Variants in IL1RAPL2 observed in about 807,000 individuals in gnomAD.
IL1RAPL2 encodes the protein interleukin 1 receptor accessory protein like 2, also known as X-linked interleukin-1 receptor accessory protein-like 2.
Under a neutral mutation model 44.1 loss-of-function variants are expected in IL1RAPL2, and 3 were observed. The observed-to-expected ratio is 0.07, with a 90% CI of 0.03 to 0.18. The LOEUF (loss-of-function observed/expected upper bound fraction) is 0.18, where lower values mean the gene tolerates loss of function less well. IL1RAPL2 is among the 10% of genes least tolerant of loss of function. The pLI is 1.00. For synonymous variants in IL1RAPL2, 181 were observed against 178.8 expected (o/e 1.01, Z -0.10); for missense variants, 391 against 496.4 (o/e 0.79, Z 2.02).
intron 5 of IL1RAPL2, among the ~76,000 whole-genome samples, chrX:105,439,876 T>A (rs1195766998): frequency 8.9e-6 from 1 of 111,929 alleles, no homozygotes; most frequent in East Asian, 2.8e-4. Flanking sequence ...AGTTAAAAGA[T>A]AGTTTGGGGC....
At chrX:104,749,183 A>G (rs1399345856) in intron 2 of IL1RAPL2, among the ~76,000 whole-genome samples, 1 of 111,350 alleles carries the variant, frequency 9.0e-6, no homozygotes, top group African/African-American at 3.3e-5. Flanking sequence ...ATGAGAAGGC[A>G]TAATTTATTT....
chrX:104,659,013 T>A lies in IL1RAPL2; in HGVS notation c.82+18T>A. On this transcript the variant is annotated intron_variant, in intron 2 of 10. Coordinates refer to ENST00000372582, the MANE Select transcript of IL1RAPL2 (RefSeq NM_017416.2). ...AAATTCTGGTAAGTTGCTGGCAACTTGCCACTATTTGGTCAAAAATGTACA... is the reference window on the plus strand; with the variant it reads ...AAATTCTGGTAAGTTGCTGGCAACTAGCCACTATTTGGTCAAAAATGTACA... 1.8e-6 allele frequency: 2 copies of A among 1,131,397 alleles called. No individual in the cohort carries two copies. Among genetic ancestry groups the A allele is most frequent in the Non-Finnish European group, 2.4e-6 (2 of 825,308 alleles). 93.2% of individuals were successfully genotyped at this position (1,131,397 alleles called of 1,213,427 possible).
At chrX:105,531,359 T>C (rs1398281717) in intron 6 of IL1RAPL2, among the ~76,000 whole-genome samples, 1 of 112,283 alleles carries the variant, frequency 8.9e-6, no homozygotes, top group African/African-American at 3.2e-5. Flanking sequence ...TTCTTTTGAG[T>C]AATGTCCATT....
chrX:104,987,919 T>C (rs2030591456), intron 2 of IL1RAPL2, among the ~76,000 whole-genome samples: 2 of 111,811 alleles, frequency 1.8e-5, no homozygotes, highest in Non-Finnish European at 3.8e-5. Context: ...AGACTGTTAG[T>C]GGAAATTTTC....
intron 2 of IL1RAPL2, among the ~76,000 whole-genome samples, chrX:104,907,472 G>A (rs1924054807): frequency 9.0e-6 from 1 of 110,978 alleles, no homozygotes; most frequent in Non-Finnish European, 1.9e-5. Context: ...ACACTGCCTT[G>A]AATGTGTCCC....
At chrX:105,338,717 CT>C (rs1322051400) in intron 5 of IL1RAPL2, among the ~76,000 whole-genome samples, 1 of 111,795 alleles carries the variant, frequency 8.9e-6, no homozygotes, top group African/African-American at 3.3e-5. Context: ...CTTTTTCATC[CT>C]TTTTTTCTTC....
intron 2 of IL1RAPL2, among the ~76,000 whole-genome samples, chrX:105,121,212 A>C (rs1052115031): frequency 8.9e-6 from 1 of 112,302 alleles, no homozygotes; most frequent in Non-Finnish European, 1.9e-5. Context: ...ATAGATAAAA[A>C]TGATTCAATT....
chrX:105,177,752 A>C lies in IL1RAPL2; in HGVS notation c.83-17723A>C, dbSNP rs774789698. On this transcript the variant is annotated intron_variant, in intron 2 of 10. Coordinates refer to ENST00000372582, the MANE Select transcript of IL1RAPL2 (RefSeq NM_017416.2). ...TTTAAGTATAATTACAATTTTATAT[A>C]AGAAATGTTTATGTTTATAATATTT... Among the ~76,000 whole-genome samples, 5 of 112,268 alleles carry C rather than the reference A, an allele frequency of 4.5e-5. No homozygotes were observed. The East Asian group carries it at 1.4e-3, about 31-fold the overall frequency.
At chrX:105,611,133 G>A (rs1394748603) in intron 6 of IL1RAPL2, among the ~76,000 whole-genome samples, 1 of 111,371 alleles carries the variant, frequency 9.0e-6, no homozygotes, top group Non-Finnish European at 1.9e-5. Flanking sequence ...CTAAAAATTT[G>A]AAAACAGAAA....
At chrX:105,598,927 G>A (rs2037231440) in intron 6 of IL1RAPL2, among the ~76,000 whole-genome samples, 1 of 112,557 alleles carries the variant, frequency 8.9e-6, no homozygotes, top group African/African-American at 3.2e-5. Flanking sequence ...GAACCACTGA[G>A]AAGAGAACTA....
At chrX:105,622,284 T>A (rs1045876889) in intron 6 of IL1RAPL2, among the ~76,000 whole-genome samples, 1 of 104,858 alleles carries the variant, frequency 9.5e-6, no homozygotes, top group Non-Finnish European at 1.9e-5. Flanking sequence ...ATAAAAATAA[T>A]AATAATAATA....
At chrX:105,362,176 T>C (rs1427745432) in intron 5 of IL1RAPL2, among the ~76,000 whole-genome samples, 2 of 111,868 alleles carry the variant, frequency 1.8e-5, no homozygotes, top group African/African-American at 6.5e-5. Flanking sequence ...TTGTCTTCTT[T>C]CCTTTAGCAC....
At chrX:104,704,790 C>G (rs1484697118) in intron 2 of IL1RAPL2, among the ~76,000 whole-genome samples, 4 of 112,055 alleles carry the variant, frequency 3.6e-5, no homozygotes, top group African/African-American at 1.3e-4. Context: ...GAAATAACAA[C>G]TTAATTCCCG....
chrX:104,881,103 C>A (rs868492806), intron 2 of IL1RAPL2, among the ~76,000 whole-genome samples: 1 of 111,024 alleles, frequency 9.0e-6, no homozygotes, highest in Non-Finnish European at 1.9e-5. Context: ...TTTTACATAA[C>A]GTAAAATTTT....
chrX:105,340,664 C>G (rs1426347892), intron 5 of IL1RAPL2, among the ~76,000 whole-genome samples: 4 of 111,915 alleles, frequency 3.6e-5, no homozygotes, highest in Non-Finnish European at 7.5e-5. Flanking sequence ...TGTACTCCCT[C>G]GTCTCTAGGT....
intron 4 of IL1RAPL2, among the ~76,000 whole-genome samples, chrX:105,248,423 A>G (rs1159156409): frequency 8.9e-6 from 1 of 111,946 alleles, no homozygotes; most frequent in Non-Finnish European, 1.9e-5. Context: ...CTAAAAATGT[A>G]CAAAAATTCA....
rs371329791 is a variant in IL1RAPL2 at position 104,897,191 on chromosome X, T to G, written c.82+238196T>G. Among the ~76,000 whole-genome samples, 4 of 112,199 alleles carry G rather than the reference T, an allele frequency of 3.6e-5. No homozygotes were observed. In the East Asian group the frequency reaches 1.1e-3, roughly 32 times the overall value. ...AGGATCACAGGCAGTTATTATCAGA[T>G]GGCTGTGGCTAGAATCATCTGAAGG... On this transcript the variant is annotated intron_variant, in intron 2 of 10. Transcript: ENST00000372582.
At chrX:105,736,295 T>C (rs1047110723) in intron 7 of IL1RAPL2, among the ~76,000 whole-genome samples, 1 of 110,201 alleles carries the variant, frequency 9.1e-6, no homozygotes, top group African/African-American at 3.3e-5. Flanking sequence ...AATAGCATTA[T>C]AGACATAGAA....
intron 2 of IL1RAPL2, among the ~76,000 whole-genome samples, chrX:105,193,676 A>T (rs1556138681): frequency 9.0e-6 from 1 of 111,508 alleles, no homozygotes; most frequent in Non-Finnish European, 1.9e-5. Flanking sequence ...CAAGGAGTGA[A>T]TTTAAAAGAC....
Sources: gnomAD v4.1 joint callset for allele counts (sites outside exome capture counted in the v4.1 genomes callset) on GRCh38, gnomAD v4.1.1 for gene constraint, MANE v1.5 for transcripts, NCBI Gene and HGNC (gene_info 2026-07-23, HGNC 2026-07-21) for gene names.